ARHGEF11: variants seen among roughly 807,000 people sequenced by gnomAD.
ARHGEF11 encodes the protein Rho guanine exchange factor (GEF) 11.
Under a neutral mutation model 193.7 loss-of-function variants are expected in ARHGEF11, and 55 were observed. The ratio of observed to expected loss-of-function variants is 0.28; its 90% CI spans 0.23 to 0.36. The LOEUF (loss-of-function observed/expected upper bound fraction) is 0.36, where lower values mean the gene tolerates loss of function less well. ARHGEF11 is among the 10% of genes least tolerant of loss of function. The probability of loss-of-function intolerance (pLI) is 1.00; values close to 1 mark genes in which losing one functional copy is unlikely to be tolerated. For synonymous variants in ARHGEF11, 693 were observed against 768.0 expected (o/e 0.90, Z 1.62); for missense variants, 1,723 against 2,005.6 (o/e 0.86, Z 2.69).
At chr1:157,017,044 G>A (rs1251606723) in intron 1 of ARHGEF11, among the ~76,000 whole-genome samples, 1 of 152,144 alleles carries the variant, frequency 6.6e-6, no homozygotes, top group Non-Finnish European at 1.5e-5. Flanking sequence ...AAAATAGGAA[G>A]GAGAAGAACT....
rs1295974071 is a variant in ARHGEF11, at chr1:156,978,138, C to T, written c.510+66G>A. 4 of 1,597,362 alleles carry T rather than the reference C, an allele frequency of 2.5e-6. No homozygotes were observed. The East Asian group carries it at 6.7e-5, about 27-fold the overall frequency. On this transcript the variant is annotated intron_variant, in intron 6 of 40. Coordinates refer to ENST00000368194, the MANE Select transcript of ARHGEF11 (RefSeq NM_198236.3). ...AGCCCCACTGGATTTAACTTGCTTTCCTCCCCAATGCGGAGCTTTTCAACA... is the reference window on the plus strand; with the variant it reads ...AGCCCCACTGGATTTAACTTGCTTTTCTCCCCAATGCGGAGCTTTTCAACA...
intron 1 of ARHGEF11, among the ~76,000 whole-genome samples, chr1:157,042,375 T>C (rs2103111099): frequency 6.6e-6 from 1 of 152,234 alleles, no homozygotes; most frequent in South Asian, 2.1e-4. Flanking sequence ...GCCCCACACA[T>C]TCTACAGGAC....
At chr1:156,980,266 ACT>A in intron 4 of ARHGEF11, among the ~76,000 whole-genome samples, 169 bp downstream of exon 4, 1 of 151,912 alleles carries the variant, frequency 6.6e-6, no homozygotes, top group East Asian at 1.9e-4. Context: ...CCTCCTCCTC[ACT>A]CTCTCTCATG....
chr1:157,044,398 T>C lies in ARHGEF11; in HGVS notation c.-68A>G, dbSNP rs1172541331. The C allele has an allele frequency of 6.5e-7, 1 of 1,546,608 alleles. No homozygotes were observed. Among genetic ancestry groups the C allele is most frequent in the Non-Finnish European group, 8.9e-7 (1 of 1,120,796 alleles). On this transcript the variant is annotated 5_prime_UTR_variant, in exon 1 of 41. Coordinates refer to ENST00000368194, the MANE Select transcript of ARHGEF11 (RefSeq NM_198236.3). Reference sequence around the variant, plus strand: ...GTGTCTTGATCAGGATTGAATCGCTTGCAATTTTTGAGCAAGGTGAGAGGA... The same window carrying C: ...GTGTCTTGATCAGGATTGAATCGCTCGCAATTTTTGAGCAAGGTGAGAGGA...
At chr1:157,026,656 C>G (rs529089998) in intron 1 of ARHGEF11, among the ~76,000 whole-genome samples, 2 of 152,304 alleles carry the variant, frequency 1.3e-5, no homozygotes, top group East Asian at 3.9e-4. Context: ...AGGGTCAGAG[C>G]ATAGGTTCAA....
rs1362570683 is a variant in ARHGEF11, at chr1:156,948,865, C to T, written c.1926-367G>A. The T allele has an allele frequency of 5.1e-6, 5 of 985,288 alleles. No homozygotes were observed. The highest frequency in any genetic ancestry group is 6.0e-6 in the Non-Finnish European group (5 of 829,920). 61.0% of individuals were successfully genotyped at this position (985,288 alleles called of 1,614,324 possible). On this transcript the variant is annotated intron_variant, in intron 22 of 40. Transcript: ENST00000368194. This position sits in a 1 kb window ranked among gnomAD's most constrained non-coding sequence, Gnocchi z 4.2. ...AAGAAGGTGGTAGACATCATCGTCC[C>T]TCAACAGGGAACACAAGGTCCCAGC...
chr1:156,982,903 A>G (rs1286193738), intron 3 of ARHGEF11, among the ~76,000 whole-genome samples: 1 of 152,228 alleles, frequency 6.6e-6, no homozygotes, highest in African/African-American at 2.4e-5. Flanking sequence ...ACTCCCAAAT[A>G]TAAGAAGCCA....
At chr1:156,946,258 G>A (rs551427550) in intron 28 of ARHGEF11, 96 bp from the exon 29 acceptor site, 3 of 952,834 alleles carry the variant, frequency 3.1e-6, no homozygotes, top group African/African-American at 1.6e-5. Flanking sequence ...ATGACAAACA[G>A]GTCCTAACGC....
rs12049313 is a variant in ARHGEF11 at position 157,001,690 on chromosome 1, T to A, written c.33-15517A>T. Among the ~76,000 whole-genome samples the A allele has an allele frequency of 7.9e-5, 12 of 152,282 alleles. No homozygotes were observed. The East Asian group carries it at 2.3e-3, about 29-fold the overall frequency. ...TCCACTGGGGGAGATCCCAGACCAT[T>A]CTGTGGGAGGAAAAGTGGTTTTTAG... On this transcript the variant is annotated intron_variant, in intron 1 of 40. Coordinates refer to ENST00000368194, the MANE Select transcript of ARHGEF11 (RefSeq NM_198236.3).
intron 1 of ARHGEF11, among the ~76,000 whole-genome samples, chr1:156,992,872 C>G (rs1484613626): frequency 6.6e-6 from 1 of 152,098 alleles, no homozygotes. Context: ...CTTAAGGTGG[C>G]CAAACAGGAC....
intron 1 of ARHGEF11, among the ~76,000 whole-genome samples, chr1:157,005,322 T>C (rs950980931): frequency 1.3e-5 from 2 of 152,142 alleles, no homozygotes; most frequent in Non-Finnish European, 2.9e-5. Context: ...GTTGACCGCC[T>C]TCAGAGGGTC....
intron 1 of ARHGEF11, among the ~76,000 whole-genome samples, chr1:157,006,479 A>C (rs1384538355): frequency 2.5e-4 from 1 of 4,014 alleles, no homozygotes; most frequent in African/African-American, 2.6e-4. Context: ...TTCCACCAAA[A>C]GCACCTAATC....
chr1:157,008,406 G>A (rs199560593), intron 1 of ARHGEF11, among the ~76,000 whole-genome samples: 3 of 149,218 alleles, frequency 2.0e-5, no homozygotes, highest in African/African-American at 4.9e-5. Context: ...TTGCACGCAC[G>A]CACACACACA....
Position 156,944,032 on chromosome 1 carries a change from C to G in ARHGEF11, c.3138G>C (p.Lys1046Asn), listed in dbSNP as rs777855937. ...AGCCCACAGCAGTCTTGCTGTGGCA[C>G]TTCAGCAATAGCTTCTCATCCTGTT... is the stretch of plus-strand genomic sequence containing the variant. ...LQKQDEKLLL[K>N]CHSKTAVGSS... The change falls in exon 32 of 41, where the codon AAG becomes AAC. Residue 1046 changes from lysine to asparagine, a missense_variant. Coordinates refer to ENST00000368194, the MANE Select transcript of ARHGEF11 (RefSeq NM_198236.3). The G allele has an allele frequency of 6.2e-7, 1 of 1,614,200 alleles. No individual in the cohort carries two copies. The highest frequency in any genetic ancestry group is 8.5e-7 in the Non-Finnish European group (1 of 1,180,014).
rs1291257781 is a variant in ARHGEF11, at chr1:156,935,902, C to T, written c.*98G>A. 2 of 1,348,188 alleles carry T rather than the reference C, an allele frequency of 1.5e-6. No homozygotes were observed. Among genetic ancestry groups the T allele is most frequent in the African/African-American group, 1.5e-5 (1 of 68,306 alleles). The allele number at this position is 1,348,188 out of a possible 1,614,324, so 83.5% of individuals were successfully genotyped here. ...CTAGTTTCCCTAACTGCCTCCTCCA[C>T]AGGGAGGAGTGTTGGGATCCCCCCT... On this transcript the variant is annotated 3_prime_UTR_variant, in exon 41 of 41. Coordinates refer to ENST00000368194, the MANE Select transcript of ARHGEF11 (RefSeq NM_198236.3).
rs370894206 is a variant in ARHGEF11 at position 156,956,444 on chromosome 1, T to C, written c.1647A>G (p.Leu549=). The change falls in exon 19 of 41, where the codon CTA becomes CTG. Residue 549 remains leucine, a synonymous_variant. Transcript: ENST00000368194. ...CCTTCTTGGTCTTAGGGAAGAACGG[T>C]AGCCACTTGTCCTTGTCAGGAGCAG... ...AQSAPDKDKW[L]PFFPKTKKSS... The C allele has an allele frequency of 1.7e-5, 27 of 1,614,110 alleles. No homozygotes were observed. In the African/African-American group the frequency reaches 2.7e-4, roughly 16 times the overall value.
intron 1 of ARHGEF11, among the ~76,000 whole-genome samples, chr1:157,008,009 A>C (rs1189457870): frequency 6.9e-6 from 1 of 145,884 alleles, no homozygotes; most frequent in East Asian, 2.0e-4. Context: ...AAAAATGCTT[A>C]TTAAATAAAA....
rs763102741 is a variant in ARHGEF11 at position 156,970,007 on chromosome 1, G to T, written c.739C>A (p.Pro247Thr). The change falls in exon 9 of 41, where the codon CCA (proline) becomes ACA (threonine). Residue 247 changes from proline (P) to threonine (T), a missense_variant. Pro to Thr is a conservative substitution (Grantham distance 38, BLOSUM62 -1). Coordinates refer to ENST00000368194, the MANE Select transcript of ARHGEF11 (RefSeq NM_198236.3). ...LPLYGDTSQR[P>T]SEGRLSLDSQ... ...GTGATGGGGGACTTACCTTCTGATG[G>T]TCTCTGGCTGGTGTCACCATATAGT... is the stretch of plus-strand genomic sequence containing the variant. The T allele has an allele frequency of 8.4e-5, 136 of 1,613,894 alleles. No individual in the cohort carries two copies. Among genetic ancestry groups the T allele is most frequent in the Non-Finnish European group, 1.1e-4 (128 of 1,179,926 alleles).
rs560173555 is a variant in ARHGEF11, at chr1:156,943,245, G to A, written c.3236-465C>T. ...CTGGCTAATTTTTGTATTTTTAGTA[G>A]AGATAGGGTTTCACCATGTTGGCCA... is the stretch of plus-strand genomic sequence containing the variant. On this transcript the variant is annotated intron_variant, in intron 32 of 40. Transcript: ENST00000368194. 1.6e-4 allele frequency among the ~76,000 whole-genome samples: 24 copies of A among 152,200 alleles called. No homozygotes were observed. In the South Asian group the frequency reaches 5.0e-3, roughly 32 times the overall value.
Sources: allele counts gnomAD v4.1 joint callset (sites outside exome capture counted in the v4.1 genomes callset), GRCh38; gene constraint gnomAD v4.1.1; non-coding constraint Gnocchi (gnomAD v3.1); transcripts MANE v1.5; gene names NCBI Gene and HGNC (gene_info 2026-07-23, HGNC 2026-07-21).